CFAP65: variants seen among roughly 807,000 people sequenced by gnomAD.
The protein encoded by CFAP65 is cilia- and flagella-associated protein 65.
A neutral mutation model predicts 208.0 loss-of-function variants in CFAP65; 155 were observed. The observed-to-expected ratio is 0.75, with a 90% CI of 0.65 to 0.85. CFAP65 has a LOEUF of 0.85. Ranked by LOEUF, CFAP65 falls within the 40% of genes least tolerant of loss-of-function variation. The pLI, the probability that CFAP65 is intolerant of heterozygous loss-of-function variation, is 0.00. For synonymous variants in CFAP65, 970 were observed against 986.3 expected (o/e 0.98, Z 0.31); for missense variants, 2,294 against 2,451.3 (o/e 0.94, Z 1.36).
Position 219,003,376 on chromosome 2 carries a change from C to G in CFAP65, c.5556-104G>C, listed in dbSNP as rs1945717467. Reference sequence around the variant, plus strand: ...TGTGCCGCGAGCTCTACGGAGATTCCCATTCGACTCCCCTCATCCACTACA... The same window carrying G: ...TGTGCCGCGAGCTCTACGGAGATTCGCATTCGACTCCCCTCATCCACTACA... On this transcript the variant is annotated intron_variant, in intron 33 of 34. Coordinates refer to ENST00000341552, the MANE Select transcript of CFAP65 (RefSeq NM_194302.4). This position sits in a 1 kb window ranked among gnomAD's most constrained non-coding sequence, Gnocchi z 4.4. The G allele has an allele frequency of 7.5e-7, 1 of 1,339,074 alleles. No homozygotes were observed. The highest frequency in any genetic ancestry group is 9.9e-7 in the Non-Finnish European group (1 of 1,011,436). The allele number at this position is 1,339,074 out of a possible 1,614,324, so 82.9% of individuals were successfully genotyped here.
intron 21 of CFAP65, chr2:219,015,836 C>T (rs1309715313): frequency 6.6e-6 from 1 of 152,090 alleles, no homozygotes; most frequent in Non-Finnish European, 1.5e-5. Context: ...AAAGTCCATC[C>T]ATATTGTGGC....
At chr2:219,020,413 T>C (rs951774126) in intron 19 of CFAP65, among the ~76,000 whole-genome samples, 11 of 152,216 alleles carry the variant, frequency 7.2e-5, no homozygotes, top group African/African-American at 2.7e-4. Context: ...GGTCTCACTG[T>C]GTTGCCAGGC....
rs368785817 is a variant in CFAP65 at position 219,035,662 on chromosome 2, G to A, written c.360C>T (p.Pro120=). The change falls in exon 5 of 35, where the codon CCC becomes CCT. Residue 120 remains proline, a splice_region_variant and synonymous_variant. Transcript: ENST00000341552. ...MSACSTISAQ[P]ASSMDTQMHS... Reference sequence around the variant, plus strand: ...GCATCTGAGTGTCCATGGAGCTTGCGGGCTGTTCAGGTGGCAGGGAGAAGG... The same window carrying A: ...GCATCTGAGTGTCCATGGAGCTTGCAGGCTGTTCAGGTGGCAGGGAGAAGG... 5.6e-5 allele frequency: 90 copies of A among 1,610,984 alleles called. No homozygotes were observed. Among genetic ancestry groups the A allele is most frequent in the South Asian group, 3.6e-4 (33 of 90,712 alleles).
Position 219,019,017 on chromosome 2 carries a change from C to G in CFAP65, c.3602+34G>C. 8 of 1,613,738 alleles carry G rather than the reference C, an allele frequency of 5.0e-6. No individual in the cohort carries two copies. In the South Asian group the frequency reaches 6.6e-5, roughly 13 times the overall value. On this transcript the variant is annotated intron_variant, in intron 21 of 34. Coordinates refer to ENST00000341552, the MANE Select transcript of CFAP65 (RefSeq NM_194302.4). ...TCCTTCAGCCTCTAGGCACTTGTCT[C>G]CCAGGCCCCCCAGTGGCCCCCTTCA...
intron 24 of CFAP65, among the ~76,000 whole-genome samples, 170 bp downstream of exon 24, chr2:219,013,089 T>C (rs1946595024): frequency 6.6e-6 from 1 of 152,152 alleles, no homozygotes; most frequent in Non-Finnish European, 1.5e-5. Context: ...CACTGCAGCC[T>C]CTCCCTTCAA....
rs1022633355 is a variant in CFAP65, at chr2:219,035,553, C to T, written c.469G>A (p.Glu157Lys). ...VAEELHWKGW[E>K]LGKETTRNLV... ...TTCCTTGTGGTCTCCTTTCCTAGCTCCCAGCCTTTCCAATGCAGCTCCTCA... is the reference window on the plus strand; with the variant it reads ...TTCCTTGTGGTCTCCTTTCCTAGCTTCCAGCCTTTCCAATGCAGCTCCTCA... The change falls in exon 5 of 35, where the codon GAG (glutamate) becomes AAG (lysine). Residue 157 changes from glutamate (E) to lysine (K), a missense_variant. Around this residue, in one of 2 missense-constraint regions of CFAP65, gnomAD observed 867 missense variants for 1,012.6 expected, o/e 0.86. Transcript: ENST00000341552. 4.3e-6 allele frequency: 7 copies of T among 1,613,966 alleles called. No individual in the cohort carries two copies. In the African/African-American group the frequency reaches 9.4e-5, roughly 22 times the overall value.
In CFAP65 at chr2:219,030,196, A is replaced by G; in HGVS notation, c.1174T>C (p.Phe392Leu). The change falls in exon 10 of 35, where the codon TTC (phenylalanine) becomes CTC (leucine). Residue 392 changes from phenylalanine (F) to leucine (L), a missense_variant. Physicochemically the swap from Phe to Leu is conservative, Grantham distance 22. Coordinates refer to ENST00000341552, the MANE Select transcript of CFAP65 (RefSeq NM_194302.4). ...LHNPSAVNAP[F>L]RIEISPDELA... The stretch of plus-strand genomic sequence containing the variant: ...TCATCCGGGGAAATTTCAATCCTGA[A>G]GGGGGCATTTACCTGTGTGGCCAAG... The G allele has an allele frequency of 6.2e-7, 1 of 1,614,030 alleles. No homozygotes were observed. Among genetic ancestry groups the G allele is most frequent in the Non-Finnish European group, 8.5e-7 (1 of 1,179,970 alleles).
upstream of CFAP65, chr2:219,041,517 A>G: frequency 6.4e-7 from 1 of 1,550,562 alleles, no homozygotes; most frequent in South Asian, 1.2e-5. Flanking sequence ...CTCCATAGAT[A>G]CAGGACGCGC....
chr2:219,035,808 C>T, intron 4 of CFAP65, 144 bp from the exon 5 acceptor site: 2 of 1,429,178 alleles, frequency 1.4e-6, no homozygotes, highest in Non-Finnish European at 1.8e-6. Context: ...TGACACCACC[C>T]CTCACCCCTT....
rs146902875 is a variant in CFAP65, at chr2:219,030,757, A to T, written c.1093T>A (p.Leu365Met). The T allele has an allele frequency of 1.1e-5, 18 of 1,614,040 alleles. 1 individual carries two copies. In the African/African-American group the frequency reaches 1.7e-4, roughly 16 times the overall value. Residue 365 changes from leucine (L) to methionine (M), a missense_variant, in exon 9 of 35, where the codon TTG (leucine) becomes ATG (methionine). Leu to Met is a conservative substitution (Grantham distance 15). Coordinates refer to ENST00000341552, the MANE Select transcript of CFAP65 (RefSeq NM_194302.4). ...DQDAEGFQKL[L>M]YFGSVAVGCT... ...CCCACAGCAACAGAGCCAAAGTACA[A>T]CAGCTTCTGGAAGCCCTCGGCATCC...
chr2:219,027,228 C>T (rs1947690234), intron 13 of CFAP65: 1 of 1,317,378 alleles, frequency 7.6e-7, no homozygotes, highest in Non-Finnish European at 9.6e-7. Context: ...AAGCCCTTTC[C>T]ATCACAATTA....
intron 21 of CFAP65, chr2:219,014,622 A>G (rs1243092859): frequency 6.6e-6 from 1 of 152,522 alleles, no homozygotes. Context: ...TGAGGTCACA[A>G]TCTGAAAGGA....
chr2:219,005,225 T>C (rs58812450), intron 32 of CFAP65, among the ~76,000 whole-genome samples: 3,077 of 152,184 alleles, frequency 0.02, 112 homozygotes, highest in African/African-American at 0.07. Flanking sequence ...GGGGTCTTGC[T>C]ATGTTGCCCA....
rs1174898867 is a variant in CFAP65, at chr2:219,031,188, T to C, written c.933A>G (p.Thr311=). The C allele has an allele frequency of 6.2e-7, 1 of 1,612,888 alleles. No individual in the cohort carries two copies. The highest frequency in any genetic ancestry group is 1.7e-5 in the Admixed American group (1 of 59,850). The part of the protein sequence containing the change: ...SQIKVTFQPL[T]AVIYEVQATC... ...TGGCCTGCACCTCGTAGATGACGGC[T>C]GTAAGGGGCTGAAAGGTCACCTTGA... Residue 311 remains threonine (T), a synonymous_variant, in exon 8 of 35, where the codon ACA becomes ACG. Transcript: ENST00000341552. This position sits in a 1 kb window ranked among gnomAD's most constrained non-coding sequence, Gnocchi z 5.2.
At chr2:219,010,373 G>A (rs1464854394) in intron 26 of CFAP65, among the ~76,000 whole-genome samples, 173 bp downstream of exon 26, 1 of 152,112 alleles carries the variant, frequency 6.6e-6, no homozygotes, top group Non-Finnish European at 1.5e-5. Context: ...TCATGGAGCT[G>A]GTGCTGCCTC....
rs550347206 is a variant in CFAP65 at position 219,024,293 on chromosome 2, G to A, written c.2350-33C>T. 9.1e-5 allele frequency: 144 copies of A among 1,588,054 alleles called. No individual in the cohort carries two copies. In the South Asian group the frequency reaches 1.3e-3, roughly 15 times the overall value. ...TGGGAGAGGAGGAAAGCGGCCCCCC[G>A]CTCAGACCTCCACCCTGGGACACAC... On this transcript the variant is annotated intron_variant, in intron 14 of 34. Transcript: ENST00000341552.
At chr2:219,026,731 G>A (rs1221687773) in intron 13 of CFAP65, 1 of 945,310 alleles carries the variant, frequency 1.1e-6, no homozygotes, top group Non-Finnish European at 1.3e-6. Flanking sequence ...TAAAAGCTCA[G>A]TAGCCACGTG....
chr2:219,036,548 GATTTT>G (rs1948375772), intron 4 of CFAP65, among the ~76,000 whole-genome samples: 2 of 151,754 alleles, frequency 1.3e-5, no homozygotes, highest in African/African-American at 4.8e-5. Flanking sequence ...AGGTTCAAGT[GATTTT>G]CTCGCCTTAG....
At chr2:219,013,761 C>T in intron 22 of CFAP65, 107 bp downstream of exon 22, 9 of 1,206,980 alleles carry the variant, frequency 7.5e-6, no homozygotes, top group Non-Finnish European at 9.6e-6. Flanking sequence ...AGAAGGTGGT[C>T]CTCCCAGGGA....
Sources: allele counts gnomAD v4.1 joint callset (sites outside exome capture counted in the v4.1 genomes callset), GRCh38; gene constraint gnomAD v4.1.1; regional missense constraint gnomAD v4.1.1; non-coding constraint Gnocchi (gnomAD v3.1); transcripts MANE v1.5; gene names NCBI Gene and HGNC (gene_info 2026-07-23, HGNC 2026-07-21).